The following EXOC6 variants were observed in gnomAD, a reference collection of about 807,000 sequenced individuals.
EXOC6 encodes the protein exocyst complex component 6, also known as SEC15-like 1.
A neutral mutation model predicts 112.5 loss-of-function variants in EXOC6; 60 were observed. The observed-to-expected ratio is 0.53, with a 90% CI of 0.43 to 0.66. EXOC6 has a LOEUF of 0.66. Among genes scored for constraint, EXOC6 ranks in the 30% least tolerant of loss-of-function variants. EXOC6 has a pLI of 0.00. For synonymous variants in EXOC6, 295 were observed against 308.0 expected (o/e 0.96, Z 0.44); for missense variants, 855 against 957.1 (o/e 0.89, Z 1.41).
At chr10:92,989,725 A>G (rs1843155038) in intron 18 of EXOC6, among the ~76,000 whole-genome samples, 1 of 152,222 alleles carries the variant, frequency 6.6e-6, no homozygotes, top group South Asian at 2.1e-4. Context: ...ATATAATTCA[A>G]CATACAGAAG....
intron 1 of EXOC6, among the ~76,000 whole-genome samples, chr10:92,861,139 T>C (rs574894264): frequency 2.6e-5 from 4 of 152,346 alleles, no homozygotes; most frequent in Admixed American, 6.5e-5. Context: ...CCCTTATGTT[T>C]GTGCTTCTCC....
intron 1 of EXOC6, among the ~76,000 whole-genome samples, chr10:92,828,035 A>T (rs1485217358): frequency 2.6e-5 from 4 of 152,038 alleles, no homozygotes; most frequent in African/African-American, 9.7e-5. Flanking sequence ...TCGATTTTGT[A>T]TTTCATTTCC....
intron 9 of EXOC6, among the ~76,000 whole-genome samples, chr10:92,933,422 A>G (rs927104421): frequency 4.3e-4 from 65 of 152,318 alleles, no homozygotes; most frequent in African/African-American, 1.5e-3. Flanking sequence ...TATGCTATAA[A>G]GCAAGTATCA....
At chr10:92,826,950 G>A (rs1256091023) in intron 1 of EXOC6, among the ~76,000 whole-genome samples, 1 of 152,178 alleles carries the variant, frequency 6.6e-6, no homozygotes, top group African/African-American at 2.4e-5. Context: ...CACAGGTAAG[G>A]AGCAAGAGAT....
intron 6 of EXOC6, among the ~76,000 whole-genome samples, chr10:92,915,426 G>A (rs913279771): frequency 7.0e-6 from 1 of 142,950 alleles, no homozygotes; most frequent in Non-Finnish European, 1.5e-5. Flanking sequence ...ACATTAGCTG[G>A]GTGTGGTGGT....
intron 4 of EXOC6, among the ~76,000 whole-genome samples, chr10:92,896,053 A>G (rs1422437491): frequency 2.1e-5 from 1 of 47,702 alleles, no homozygotes; most frequent in Non-Finnish European, 3.3e-5. Flanking sequence ...ATGTGTATAT[A>G]TATGTGTATA....
chr10:92,948,352 T>C lies in EXOC6; in HGVS notation c.1389T>C (p.Phe463=), dbSNP rs1418161872. 4 of 1,605,366 alleles carry C rather than the reference T, an allele frequency of 2.5e-6. No homozygotes were observed. The highest frequency in any genetic ancestry group is 3.4e-6 in the Non-Finnish European group (4 of 1,175,778). ...EEEYKIVISK[F]PFQDPDLEKQ... is the part of the protein sequence containing the mutation. ...AATATAAAATTGTCATCAGCAAATT[T>C]CCCTTTCAAGATCCAGACCTTGAAA... is the stretch of plus-strand genomic sequence containing the variant. The change falls in exon 14 of 22, where the codon TTT becomes TTC. Residue 463 remains phenylalanine (F), a synonymous_variant. Transcript: ENST00000260762.
At chr10:92,934,454 TA>T in intron 11 of EXOC6, 24 bp downstream of exon 11, 1 of 1,526,608 alleles carries the variant, frequency 6.6e-7, no homozygotes, top group Non-Finnish European at 8.7e-7. Flanking sequence ...TTTACATTAC[TA>T]AAATTTTAAT....
chr10:92,855,967 C>T (rs535960340), intron 1 of EXOC6, among the ~76,000 whole-genome samples: 17 of 152,156 alleles, frequency 1.1e-4, no homozygotes, highest in Non-Finnish European at 1.5e-4. Flanking sequence ...TGGGTTCAAG[C>T]GATTCTCCTG....
intron 19 of EXOC6, among the ~76,000 whole-genome samples, chr10:93,004,977 G>T (rs1030683560): frequency 4.3e-5 from 6 of 139,576 alleles, no homozygotes; most frequent in African/African-American, 1.9e-4. Context: ...TGAAGAGTGT[G>T]GGGCTTTGAA....
At chr10:92,999,955 C>T (rs559845796) in intron 19 of EXOC6, among the ~76,000 whole-genome samples, 9 of 152,252 alleles carry the variant, frequency 5.9e-5, no homozygotes, top group Middle Eastern at 3.4e-3. Flanking sequence ...CCACCTGCCT[C>T]GGCCTCCCAA....
chr10:92,945,672 A>G (rs1343470001), intron 13 of EXOC6, among the ~76,000 whole-genome samples: 2 of 152,132 alleles, frequency 1.3e-5, no homozygotes, highest in African/African-American at 4.8e-5. Context: ...ATTGTCTTCT[A>G]GTAGTTACTT....
chr10:92,954,844 T>A (rs1853603373), intron 16 of EXOC6, 103 bp downstream of exon 16: 1 of 572,664 alleles, frequency 1.7e-6, no homozygotes, highest in South Asian at 2.5e-5. Context: ...CTGTTTTAAA[T>A]GTATTAATAT....
intron 20 of EXOC6, among the ~76,000 whole-genome samples, chr10:93,048,576 T>C (rs1310139761): frequency 1.3e-5 from 2 of 151,576 alleles, no homozygotes; most frequent in Non-Finnish European, 2.9e-5. Context: ...ACCCTAAAAC[T>C]TAAAGTATAA....
intron 1 of EXOC6, among the ~76,000 whole-genome samples, chr10:92,849,767 A>G (rs951061938): frequency 1.3e-5 from 2 of 152,126 alleles, no homozygotes; most frequent in African/African-American, 4.8e-5. Context: ...TCTGCCTCTG[A>G]TGAAATGTGC....
chr10:92,933,858 A>G (rs1852198553), intron 9 of EXOC6, among the ~76,000 whole-genome samples: 1 of 152,154 alleles, frequency 6.6e-6, no homozygotes. Context: ...GGAGGATGGT[A>G]TAATACATAG....
chr10:92,910,157 A>G (rs1327067432), intron 6 of EXOC6, among the ~76,000 whole-genome samples: 1 of 152,248 alleles, frequency 6.6e-6, no homozygotes, highest in Non-Finnish European at 1.5e-5. Flanking sequence ...TGAGAAACAA[A>G]AAAACATGGG....
intron 18 of EXOC6, among the ~76,000 whole-genome samples, chr10:92,975,296 C>T (rs1842476109): frequency 6.6e-6 from 1 of 151,752 alleles, no homozygotes; most frequent in African/African-American, 2.4e-5. Context: ...TGCTCGGCCG[C>T]CCCGTCTGAG....
chr10:92,913,489 A>G (rs1216346794), intron 6 of EXOC6, among the ~76,000 whole-genome samples: 2 of 152,110 alleles, frequency 1.3e-5, no homozygotes, highest in Non-Finnish European at 2.9e-5. Context: ...TCTCCCTTCT[A>G]TGCTCTAGCA....
Sources: gnomAD v4.1 joint callset for allele counts (sites outside exome capture counted in the v4.1 genomes callset) on GRCh38, gnomAD v4.1.1 for gene constraint, MANE v1.5 for transcripts, NCBI Gene and HGNC (gene_info 2026-07-23, HGNC 2026-07-21) for gene names.